XIRP2: variants seen among roughly 807,000 people sequenced by gnomAD.
XIRP2 encodes xin actin binding repeat containing 2.
XIRP2 carries 236 observed loss-of-function variants against 277.0 expected under a neutral mutation model. The observed-to-expected ratio is 0.85, with a 90% CI of 0.77 to 0.95. XIRP2 has a LOEUF of 0.95. XIRP2 is among the 40% of genes least tolerant of loss of function. XIRP2 has a pLI of 0.00. For synonymous variants in XIRP2, 1,490 were observed against 1,416.5 expected, an observed-to-expected ratio of 1.05 and a Z score of -1.17; for missense variants, 4,640 against 4,157.5, an observed-to-expected ratio of 1.12 and a Z score of -3.19.
chr2:167,142,014 G>A (rs1008700783), intron 3 of XIRP2, among the ~76,000 whole-genome samples: 6 of 152,186 alleles, frequency 3.9e-5, no homozygotes, highest in Non-Finnish European at 7.3e-5. Flanking sequence ...CTTGAAGATA[G>A]AGGAAACATA....
intron 2 of XIRP2, among the ~76,000 whole-genome samples, chr2:167,087,508 AG>A (rs1689994070): frequency 6.6e-6 from 1 of 152,200 alleles, no homozygotes; most frequent in East Asian, 1.9e-4. Context: ...TACCTAAGCA[AG>A]CCTGGGCAAT....
intron 3 of XIRP2, among the ~76,000 whole-genome samples, chr2:167,194,011 G>A (rs1430764045): frequency 6.6e-6 from 1 of 151,942 alleles, no homozygotes; most frequent in Non-Finnish European, 1.5e-5. Flanking sequence ...TTCCAGGGGT[G>A]GATATATAAA....
intron 2 of XIRP2, among the ~76,000 whole-genome samples, chr2:166,975,501 A>G (rs1042206928): frequency 6.6e-6 from 1 of 152,198 alleles, no homozygotes; most frequent in African/African-American, 2.4e-5. Flanking sequence ...AGAAAAGAAA[A>G]GAAAAGAAAT....
intron 2 of XIRP2, among the ~76,000 whole-genome samples, chr2:167,070,381 T>C (rs1689408131): frequency 6.6e-6 from 1 of 152,154 alleles, no homozygotes; most frequent in Non-Finnish European, 1.5e-5. Context: ...AGATAAGTAT[T>C]TTATTAGTTA....
intron 2 of XIRP2, among the ~76,000 whole-genome samples, chr2:166,925,577 G>C (rs1305124309): frequency 7.9e-6 from 1 of 126,548 alleles, no homozygotes; most frequent in Admixed American, 9.2e-5. Context: ...GTATGTATGT[G>C]TGTGTGTATG....
chr2:167,118,513 A>G (rs1003256889), intron 2 of XIRP2, among the ~76,000 whole-genome samples: 3 of 151,196 alleles, frequency 2.0e-5, no homozygotes, highest in African/African-American at 7.3e-5. Flanking sequence ...ATAAAATAAA[A>G]TAAAATAAAA....
In XIRP2 at chr2:166,998,568, C is replaced by T. The variant is rs150933143; in HGVS notation, c.408+94678C>T. 3.1e-3 allele frequency among the ~76,000 whole-genome samples: 476 copies of T among 152,126 alleles called. 3 individuals carry two copies. The highest frequency in any genetic ancestry group is 0.011 in the African/African-American group (451 of 41,514). On this transcript the variant is annotated intron_variant, in intron 2 of 10. Coordinates refer to ENST00000409195, the MANE Select transcript of XIRP2 (RefSeq NM_152381.6). ...AGGAGAATGGCGTGAACCCAGGGGACGGAGCTTGCAGTGAGCTGTGATAGC... is the reference window on the plus strand; with the variant it reads ...AGGAGAATGGCGTGAACCCAGGGGATGGAGCTTGCAGTGAGCTGTGATAGC...
chr2:166,958,303 A>G (rs1304123418), intron 2 of XIRP2, among the ~76,000 whole-genome samples: 2 of 152,008 alleles, frequency 1.3e-5, no homozygotes, highest in East Asian at 1.9e-4. Flanking sequence ...AGATGACTCA[A>G]TTGCAGAGGG....
rs548613119 is a variant in XIRP2 at position 167,212,091 on chromosome 2, T to C, written c.723+1196T>C. Among the ~76,000 whole-genome samples the C allele has an allele frequency of 3.3e-5, 5 of 152,316 alleles. No individual in the cohort carries two copies. In the South Asian group the frequency reaches 1.0e-3, roughly 32 times the overall value. On this transcript the variant is annotated intron_variant, in intron 4 of 10. Transcript: ENST00000409195. The stretch of plus-strand genomic sequence containing the variant: ...TGCCAAACTCATTTAAAAAATGCAA[T>C]TCTAGATGACATTTAGGTTTTCACA...
rs1379247028 is a variant in XIRP2 at position 167,247,158 on chromosome 2, G to A, written c.5766G>A (p.Leu1922=). Residue 1922 remains leucine (L), a synonymous_variant, in exon 9 of 11, where the codon CTG becomes CTA. Coordinates refer to ENST00000409195, the MANE Select transcript of XIRP2 (RefSeq NM_152381.6). ...ILKKELLKDD[L]ETSLRSLKEA... ...AAAAGGAGCTTCTCAAAGATGACCT[G>A]GAAACATCACTAAGGTCTTTGAAAG... The A allele has an allele frequency of 6.2e-7, 1 of 1,613,514 alleles. No homozygotes were observed. The highest frequency in any genetic ancestry group is 1.1e-5 in the South Asian group (1 of 91,064).
intron 3 of XIRP2, among the ~76,000 whole-genome samples, chr2:167,174,598 C>G (rs960498608): frequency 1.4e-4 from 21 of 152,006 alleles, no homozygotes; most frequent in Admixed American, 1.3e-3. Flanking sequence ...AAGGGCTTTT[C>G]GTGTCTCTAT....
chr2:167,122,587 G>A (rs973137935), intron 2 of XIRP2, among the ~76,000 whole-genome samples: 1 of 152,122 alleles, frequency 6.6e-6, no homozygotes, highest in African/African-American at 2.4e-5. Context: ...ACTGTCTCTA[G>A]ATAGTATCAG....
chr2:167,099,719 C>G (rs927323071), intron 2 of XIRP2, among the ~76,000 whole-genome samples: 1 of 152,134 alleles, frequency 6.6e-6, no homozygotes, highest in Non-Finnish European at 1.5e-5. Context: ...AGCACCATCC[C>G]TCACGGCAGG....
At chr2:167,080,819 T>C (rs570671423) in intron 2 of XIRP2, among the ~76,000 whole-genome samples, 6 of 152,162 alleles carry the variant, frequency 3.9e-5, no homozygotes, top group Non-Finnish European at 8.8e-5. Context: ...GGGTGCAATT[T>C]TTTATTTAAC....
chr2:167,193,213 A>G (rs1185704071), intron 3 of XIRP2, among the ~76,000 whole-genome samples: 4 of 152,194 alleles, frequency 2.6e-5, no homozygotes, highest in African/African-American at 7.2e-5. Context: ...TACTAGTTAT[A>G]GTTCCTAATA....
intron 2 of XIRP2, among the ~76,000 whole-genome samples, chr2:167,086,289 G>A (rs1689940380): frequency 6.6e-6 from 1 of 152,182 alleles, no homozygotes; most frequent in African/African-American, 2.4e-5. Context: ...CTTCTGGCTT[G>A]TAGGGTTTCT....
Position 167,258,813 on chromosome 2 carries a change from C to A in XIRP2, c.*996C>A. 1 of 1,613,160 alleles carries A rather than the reference C, an allele frequency of 6.2e-7. No homozygotes were observed. The highest frequency in any genetic ancestry group is 1.1e-5 in the South Asian group (1 of 91,028). The stretch of plus-strand genomic sequence containing the variant: ...GAAATTGAGAAGTTAGAAAATACAT[C>A]TAGAATCTCAGAGTTACTTGGTATA... On this transcript the variant is annotated 3_prime_UTR_variant, in exon 11 of 11. Coordinates refer to ENST00000409195, the MANE Select transcript of XIRP2 (RefSeq NM_152381.6).
At chr2:167,152,083 C>T (rs1692032720) in intron 3 of XIRP2, among the ~76,000 whole-genome samples, 1 of 152,094 alleles carries the variant, frequency 6.6e-6, no homozygotes, top group African/African-American at 2.4e-5. Flanking sequence ...AATGTCCCAA[C>T]TGTGTACTTG....
At chr2:167,162,193 G>T (rs1692390457) in intron 3 of XIRP2, among the ~76,000 whole-genome samples, 1 of 152,116 alleles carries the variant, frequency 6.6e-6, no homozygotes, top group African/African-American at 2.4e-5. Flanking sequence ...ACATTTTCCT[G>T]TCTTCTTCTG....
Sources: allele counts gnomAD v4.1 joint callset (sites outside exome capture counted in the v4.1 genomes callset), GRCh38; gene constraint gnomAD v4.1.1; transcripts MANE v1.5; gene names NCBI Gene and HGNC (gene_info 2026-07-23, HGNC 2026-07-21).